The following CDC27 variants were observed in gnomAD, a reference collection of about 807,000 sequenced individuals.
The protein encoded by CDC27 is cell division cycle 27, also known as cell division cycle protein 27 homolog.
A neutral mutation model predicts 109.7 loss-of-function variants in CDC27; 27 were observed. The observed-to-expected ratio is 0.25, with a 90% CI of 0.18 to 0.34. The LOEUF (loss-of-function observed/expected upper bound fraction) is 0.34. Ranked by LOEUF, CDC27 falls within the 10% of genes least tolerant of loss-of-function variation. The probability of loss-of-function intolerance (pLI) is 1.00; values close to 1 mark genes in which losing one functional copy is unlikely to be tolerated. For missense variants in CDC27, 579 were observed against 960.2 expected (o/e 0.60, Z 5.25); for synonymous variants, 266 against 333.9 (o/e 0.80, Z 2.22).
chr17:47,168,486 G>A (rs372592988), intron 4 of CDC27, among the ~76,000 whole-genome samples: 2 of 152,182 alleles, frequency 1.3e-5, no homozygotes, highest in African/African-American at 4.8e-5. Flanking sequence ...ATAAACCTTT[G>A]AGGGTGGGGA....
chr17:47,123,987 A>C, intron 16 of CDC27, 27 bp from the exon 17 acceptor site: 1 of 1,521,668 alleles, frequency 6.6e-7, no homozygotes, highest in African/African-American at 1.4e-5. Flanking sequence ...AAAACCTTAA[A>C]GTAGCAAAAA....
At chr17:47,175,387 T>C (rs1263148319) in intron 2 of CDC27, among the ~76,000 whole-genome samples, 2 of 152,244 alleles carry the variant, frequency 1.3e-5, no homozygotes, top group East Asian at 3.8e-4. Context: ...CTAGCCTTGA[T>C]AAACTATACA....
intron 9 of CDC27, 66 bp from the exon 10 acceptor site, chr17:47,144,048 C>A: frequency 3.7e-6 from 2 of 537,606 alleles, no homozygotes; most frequent in South Asian, 6.5e-5. Context: ...ACCATTGTTT[C>A]AATTTGGGTA....
intron 2 of CDC27, among the ~76,000 whole-genome samples, chr17:47,175,403 C>A (rs1327147168): frequency 2.0e-5 from 3 of 152,154 alleles, no homozygotes; most frequent in African/African-American, 7.2e-5. Flanking sequence ...ATACAAATAT[C>A]AGAGAAGCCC....
At chr17:47,124,282 T>TCTATCTATCTATCTAC (rs2062068838) in intron 16 of CDC27, among the ~76,000 whole-genome samples, 1 of 151,518 alleles carries the variant, frequency 6.6e-6, no homozygotes, top group South Asian at 2.1e-4. Flanking sequence ...TATCTATCTA[T>TCTATCTATCTATCTAC]CTATTCATTT....
chr17:47,149,755 C>T (rs531520491), intron 9 of CDC27, among the ~76,000 whole-genome samples: 49 of 151,418 alleles, frequency 3.2e-4, no homozygotes, highest in African/African-American at 1.1e-3. Context: ...AGGAGTTTGA[C>T]GCTAGCCTGG....
rs988391794 is a variant in CDC27 at position 47,142,214 on chromosome 17, G to A, written c.1378+15C>T. On this transcript the variant is annotated intron_variant, in intron 11 of 18. Coordinates refer to ENST00000066544, the MANE Select transcript of CDC27 (RefSeq NM_001256.6). ...TAATAAAATACAAAGATAATATTAAGCATTTAAAACAGACCTGCTGCTGCT... is the reference window on the plus strand; with the variant it reads ...TAATAAAATACAAAGATAATATTAAACATTTAAAACAGACCTGCTGCTGCT... The A allele has an allele frequency of 1.4e-6, 2 of 1,447,764 alleles. No individual in the cohort carries two copies. Among genetic ancestry groups the A allele is most frequent in the Non-Finnish European group, 1.9e-6 (2 of 1,055,042 alleles). 89.7% of individuals were successfully genotyped at this position (1,447,764 alleles called of 1,614,324 possible).
In CDC27 at chr17:47,171,978, G is replaced by T; in HGVS notation, c.190C>A (p.His64Asn). 6.2e-7 allele frequency: 1 copy of T among 1,602,278 alleles called. No individual in the cohort carries two copies. Among genetic ancestry groups the T allele is most frequent in the Non-Finnish European group, 8.5e-7 (1 of 1,174,136 alleles). ...TTGCATTGCGGTGTAGTACAACTGTGTCCTTTCAAGAGTCTATATGCTTTA... is the reference window on the plus strand; with the variant it reads ...TTGCATTGCGGTGTAGTACAACTGTTTCCTTTCAAGAGTCTATATGCTTTA... ...AYKAYRLLKG[H>N]SCTTPQCKYL... Residue 64 changes from histidine to asparagine, a missense_variant, in exon 3 of 19, where the codon CAC becomes AAC. His to Asn is a moderately conservative substitution (Grantham distance 68). Transcript: ENST00000066544.
At chr17:47,166,141 TATA>T (rs900740755) in intron 4 of CDC27, among the ~76,000 whole-genome samples, 1 of 152,216 alleles carries the variant, frequency 6.6e-6, no homozygotes, top group Non-Finnish European at 1.5e-5. Context: ...AATAGTGGCC[TATA>T]GTTTTCCTTT....
chr17:47,154,771 T>C lies in CDC27; in HGVS notation c.858A>G (p.Pro286=), dbSNP rs61749925. ...CATCTCCAGGACTTGGGGTTTCTAATGGCAAAATCCCAAAACTGAGAAGAG... is the reference window on the plus strand; with the variant it reads ...CATCTCCAGGACTTGGGGTTTCTAACGGCAAAATCCCAAAACTGAGAAGAG... ...SPLTPSFGIL[P]LETPSPGDGS... Residue 286 remains proline, a synonymous_variant, in exon 8 of 19, where the codon CCA becomes CCG. Transcript: ENST00000066544. 5,376 of 1,586,894 alleles carry C rather than the reference T, an allele frequency of 3.4e-3. 15 individuals carry two copies. Among genetic ancestry groups the C allele is most frequent in the Middle Eastern group, 0.023 (137 of 5,910 alleles).
At chr17:47,131,973 G>A (rs1396224679) in intron 15 of CDC27, among the ~76,000 whole-genome samples, 2 of 146,002 alleles carry the variant, frequency 1.4e-5, no homozygotes, top group South Asian at 4.4e-4. Context: ...AACTGGCCAG[G>A]AGATATCTTA....
chr17:47,155,939 T>G (rs2063290061), intron 7 of CDC27, among the ~76,000 whole-genome samples: 1 of 152,072 alleles, frequency 6.6e-6, no homozygotes, highest in African/African-American at 2.4e-5. Flanking sequence ...GGTGACAGAG[T>G]GAGATCCTGT....
chr17:47,188,690 C>G, intron 1 of CDC27: 2 of 920,942 alleles, frequency 2.2e-6, no homozygotes, highest in Non-Finnish European at 2.6e-6. Flanking sequence ...ATCCTACGCT[C>G]CCTCCACCCT....
intron 7 of CDC27, among the ~76,000 whole-genome samples, chr17:47,155,447 T>C (rs1284824162): frequency 6.6e-6 from 1 of 152,160 alleles, no homozygotes; most frequent in Non-Finnish European, 1.5e-5. Context: ...GGTTTCACCA[T>C]GTTGGCCAGA....
chr17:47,157,393 A>C lies in CDC27; in HGVS notation c.476-9T>G, dbSNP rs2063348997. ...AGGATCTGGCTTTTCACCTGTGAAG[A>C]CAAAAAAAAAAAAAGTTTGTCTCTG... is the stretch of plus-strand genomic sequence containing the variant. On this transcript the variant is annotated splice_polypyrimidine_tract_variant and intron_variant, in intron 5 of 18. Transcript: ENST00000066544. The C allele has an allele frequency of 6.6e-7, 1 of 1,525,194 alleles. No homozygotes were observed. Among genetic ancestry groups the C allele is most frequent in the South Asian group, 1.2e-5 (1 of 85,184 alleles). 94.5% of individuals were successfully genotyped at this position (1,525,194 alleles called of 1,614,324 possible).
At chr17:47,176,916 GT>G (rs201479165) in intron 2 of CDC27, among the ~76,000 whole-genome samples, 3 of 151,668 alleles carry the variant, frequency 2.0e-5, no homozygotes, top group Admixed American at 6.6e-5. Context: ...TGGTAAATAA[GT>G]TTTTTTTTAT....
chr17:47,168,135 C>T (rs749245112), intron 4 of CDC27, among the ~76,000 whole-genome samples: 4 of 152,146 alleles, frequency 2.6e-5, no homozygotes, highest in Admixed American at 6.5e-5. Flanking sequence ...GGAGGCTTCA[C>T]TACATAGGCA....
chr17:47,171,801 T>C (rs925178586), intron 3 of CDC27, 116 bp downstream of exon 3: 2 of 671,846 alleles, frequency 3.0e-6, no homozygotes, highest in African/African-American at 3.8e-5. Flanking sequence ...CGAATGTTAC[T>C]GAAATAGATG....
chr17:47,166,633 C>T (rs1295707919), intron 4 of CDC27, among the ~76,000 whole-genome samples: 1 of 151,966 alleles, frequency 6.6e-6, no homozygotes, highest in Non-Finnish European at 1.5e-5. Flanking sequence ...TTTCTGTTTG[C>T]TTGGATTTAC....
Sources: allele counts gnomAD v4.1 joint callset (sites outside exome capture counted in the v4.1 genomes callset), GRCh38; gene constraint gnomAD v4.1.1; transcripts MANE v1.5; gene names NCBI Gene and HGNC (gene_info 2026-07-23, HGNC 2026-07-21).